PRKN: variants seen among roughly 807,000 people sequenced by gnomAD.
PRKN encodes the protein E3 ubiquitin-protein ligase parkin.
PRKN carries 56 observed loss-of-function variants against 59.5 expected under a neutral mutation model. That is an observed-to-expected ratio of 0.94 (90% confidence interval 0.76 to 1.18). PRKN has a LOEUF of 1.18. Ranked by LOEUF, PRKN falls within the 50% of genes most tolerant of loss-of-function variation. The probability of loss-of-function intolerance (pLI) is 0.00; values close to 1 mark genes in which losing one functional copy is unlikely to be tolerated. For synonymous variants in PRKN, 250 were observed against 222.1 expected (o/e 1.13, Z -1.12); for missense variants, 657 against 596.4 (o/e 1.10, Z -1.06).
chr6:162,404,697 C>A (rs974020946), intron 2 of PRKN, among the ~76,000 whole-genome samples: 1 of 152,076 alleles, frequency 6.6e-6, no homozygotes, highest in Non-Finnish European at 1.5e-5. Context: ...GGACTACAGG[C>A]GTGCACCACC....
chr6:161,988,914 A>T (rs573933789), intron 5 of PRKN, among the ~76,000 whole-genome samples: 1 of 152,316 alleles, frequency 6.6e-6, no homozygotes, highest in East Asian at 1.9e-4. Flanking sequence ...AATTTAGCTG[A>T]TTTTTAAAAA....
intron 7 of PRKN, among the ~76,000 whole-genome samples, chr6:161,596,437 CA>C (rs1446717037): frequency 2.6e-5 from 4 of 152,172 alleles, no homozygotes; most frequent in Admixed American, 6.5e-5. Flanking sequence ...ACTATTTAAA[CA>C]ATACTCTTCA....
Position 162,390,396 on chromosome 6 carries a change from T to TACACACAC in PRKN, c.171+52906_171+52913dup, listed in dbSNP as rs1554312764. Among the ~76,000 whole-genome samples the TACACACAC allele has an allele frequency of 7.4e-4, 62 of 84,110 alleles. 1 individual carries two copies. The highest frequency in any genetic ancestry group is 2.7e-3 in the African/African-American group (59 of 22,112). 55.2% of individuals were successfully genotyped at this position (84,110 alleles called of 152,430 possible). On this transcript the variant is annotated intron_variant, in intron 2 of 11. Coordinates refer to ENST00000366898, the MANE Select transcript of PRKN (RefSeq NM_004562.3). ...TAAGGTATATATATATATATATATATACACACACACACACACACACACACA... is the reference window on the plus strand; with the variant it reads ...TAAGGTATATATATATATATATATATACACACACACACACACACACACACACACACACA...
At chr6:162,488,043 T>G (rs1893112) in intron 1 of PRKN, among the ~76,000 whole-genome samples, 22,283 of 150,074 alleles carry the variant, frequency 0.15, 1,966 homozygotes, top group Non-Finnish European at 0.18. Flanking sequence ...TTTTTTTTTT[T>G]TTTTTTTTTG....
chr6:161,768,422 A>G (rs1789520921), intron 7 of PRKN, among the ~76,000 whole-genome samples: 1 of 152,218 alleles, frequency 6.6e-6, no homozygotes, highest in African/African-American at 2.4e-5. Flanking sequence ...ACTGGCCTAG[A>G]TCAGTGCTCT....
chr6:162,677,790 G>T (rs1482455906), intron 1 of PRKN, among the ~76,000 whole-genome samples: 4 of 152,150 alleles, frequency 2.6e-5, no homozygotes, highest in Admixed American at 6.5e-5. Context: ...AAAGGACAAC[G>T]TATTTTTTGA....
rs138488974 is a variant in PRKN at position 162,407,732 on chromosome 6, C to G, written c.171+35578G>C. ...GGTATAAAATACTTTCACAATTTTA[C>G]TTCCCCAAATAGATGGCATTATTAT... On this transcript the variant is annotated intron_variant, in intron 2 of 11. Coordinates refer to ENST00000366898, the MANE Select transcript of PRKN (RefSeq NM_004562.3). 4.9e-4 allele frequency among the ~76,000 whole-genome samples: 74 copies of G among 152,202 alleles called. 1 individual carries two copies. In the East Asian group the frequency reaches 0.014, roughly 28 times the overall value.
chr6:161,767,723 G>T (rs1301210733), intron 7 of PRKN, among the ~76,000 whole-genome samples: 1 of 148,492 alleles, frequency 6.7e-6, no homozygotes, highest in Non-Finnish European at 1.5e-5. Flanking sequence ...TTACCTTAAA[G>T]GTTACTGTTC....
intron 5 of PRKN, among the ~76,000 whole-genome samples, chr6:162,037,267 T>C (rs997157869): frequency 7.2e-5 from 11 of 152,308 alleles, no homozygotes; most frequent in Admixed American, 4.6e-4. Flanking sequence ...AACTTATCAA[T>C]GCAAGACTCT....
At chr6:162,560,461 C>A (rs956973106) in intron 1 of PRKN, among the ~76,000 whole-genome samples, 18 of 152,124 alleles carry the variant, frequency 1.2e-4, no homozygotes, top group African/African-American at 4.1e-4. Flanking sequence ...CATGCAGAGG[C>A]CAAATGCATC....
At chr6:161,501,571 C>T (rs1777965772) in intron 9 of PRKN, among the ~76,000 whole-genome samples, 1 of 150,666 alleles carries the variant, frequency 6.6e-6, no homozygotes, top group Non-Finnish European at 1.5e-5. Flanking sequence ...CTGTTGAATG[C>T]TTTTTTTTTA....
At chr6:161,964,026 C>A (rs991895753) in intron 6 of PRKN, among the ~76,000 whole-genome samples, 3 of 152,058 alleles carry the variant, frequency 2.0e-5, no homozygotes, top group African/African-American at 4.8e-5. Flanking sequence ...CTGCTACATT[C>A]TCCTTTTCAC....
intron 7 of PRKN, among the ~76,000 whole-genome samples, chr6:161,681,923 CCT>C (rs1227164618): frequency 1.3e-5 from 2 of 152,244 alleles, no homozygotes; most frequent in East Asian, 3.9e-4. Flanking sequence ...GCAAAGGGCT[CCT>C]GCAGATAGAC....
intron 3 of PRKN, among the ~76,000 whole-genome samples, chr6:162,215,633 G>A (rs1440885929): frequency 1.3e-5 from 2 of 152,154 alleles, no homozygotes; most frequent in African/African-American, 4.8e-5. Flanking sequence ...TTAAGAAATG[G>A]AGTCTTATTT....
At chr6:162,408,864 G>A (rs139157841) in intron 2 of PRKN, among the ~76,000 whole-genome samples, 5 of 151,834 alleles carry the variant, frequency 3.3e-5, no homozygotes, top group African/African-American at 1.2e-4. Flanking sequence ...TTCATTCTTC[G>A]TAAATGATTA....
intron 5 of PRKN, among the ~76,000 whole-genome samples, chr6:161,973,957 C>T (rs1163667767): frequency 6.6e-6 from 1 of 152,198 alleles, no homozygotes; most frequent in Non-Finnish European, 1.5e-5. Context: ...TACACATGGA[C>T]TCCTGGTAGA....
chr6:161,924,910 G>A (rs1778910381), intron 6 of PRKN, among the ~76,000 whole-genome samples: 1 of 152,216 alleles, frequency 6.6e-6, no homozygotes, highest in Non-Finnish European at 1.5e-5. Context: ...AACTAGGGGA[G>A]AGAGTCCCTC....
chr6:162,691,318 ATTTGT>A (rs1777766659), intron 1 of PRKN, among the ~76,000 whole-genome samples: 1 of 152,198 alleles, frequency 6.6e-6, no homozygotes, highest in African/African-American at 2.4e-5. Context: ...ATTTCAACTA[ATTTGT>A]TTTAATTAGT....
At chr6:161,838,596 A>G (rs927031760) in intron 6 of PRKN, among the ~76,000 whole-genome samples, 4 of 152,218 alleles carry the variant, frequency 2.6e-5, no homozygotes, top group Admixed American at 2.6e-4. Context: ...TCGCAAATAC[A>G]AGACCAGCCA....
Sources: gnomAD v4.1 joint callset for allele counts (sites outside exome capture counted in the v4.1 genomes callset) on GRCh38, gnomAD v4.1.1 for gene constraint, MANE v1.5 for transcripts, NCBI Gene and HGNC (gene_info 2026-07-23, HGNC 2026-07-21) for gene names.